Variants in MGLL observed in about 807,000 individuals in gnomAD.
The protein encoded by MGLL is lysophospholipase homolog.
MGLL carries 7 observed loss-of-function variants against 29.1 expected under a neutral mutation model. That is an observed-to-expected ratio of 0.24 (90% confidence interval 0.14 to 0.45). The LOEUF is 0.45. MGLL is among the 20% of genes least tolerant of loss of function. The probability of loss-of-function intolerance (pLI) is 0.99; values close to 1 mark genes in which losing one functional copy is unlikely to be tolerated. For synonymous variants in MGLL, 148 were observed against 168.3 expected (o/e 0.88, Z 0.93); for missense variants, 356 against 413.6 (o/e 0.86, Z 1.21).
At position 127,814,657 on chromosome 3, in the gene MGLL, T is replaced by C. The variant is rs181926705; in HGVS notation, c.155+7037A>G. 3.9e-5 allele frequency among the ~76,000 whole-genome samples: 6 copies of C among 152,348 alleles called. No individual in the cohort carries two copies. The East Asian group carries it at 1.2e-3, about 29-fold the overall frequency. ...ACTGCAAAACAAAGCCAGATTTGTA[T>C]CAGCAGAACATTCTTACAGCAACTG... On this transcript the variant is annotated intron_variant, in intron 2 of 7. Transcript: ENST00000265052.
chr3:127,692,913 C>T (rs1172711863), intron 7 of MGLL, among the ~76,000 whole-genome samples: 1 of 152,224 alleles, frequency 6.6e-6, no homozygotes, highest in African/African-American at 2.4e-5. Context: ...CTGGCCTCTG[C>T]AGGCGGCTGG....
At chr3:127,819,469 C>T (rs183448292) in intron 2 of MGLL, among the ~76,000 whole-genome samples, 146 of 152,240 alleles carry the variant, frequency 9.6e-4, no homozygotes, top group Middle Eastern at 3.4e-3. Context: ...GCTCTTAACC[C>T]AGGTTTTGCC....
intron 6 of MGLL, among the ~76,000 whole-genome samples, chr3:127,705,605 C>T (rs890683883): frequency 1.3e-5 from 2 of 151,646 alleles, no homozygotes; most frequent in Admixed American, 6.6e-5. Context: ...GGAGAAACCC[C>T]GTCTCTACTA....
In MGLL at chr3:127,753,287, C is replaced by T. The variant is rs116575831; in HGVS notation, c.262+28502G>A. On this transcript the variant is annotated intron_variant, in intron 3 of 7. Coordinates refer to ENST00000265052, the MANE Select transcript of MGLL (RefSeq NM_007283.7). ...ACAGGTGAGGGGCTGCAGGTGTCGACGATGAATTCCCTTCACCCAAAGCAG... is the reference window on the plus strand; with the variant it reads ...ACAGGTGAGGGGCTGCAGGTGTCGATGATGAATTCCCTTCACCCAAAGCAG... 8.2e-3 allele frequency among the ~76,000 whole-genome samples: 1,241 copies of T among 152,254 alleles called. 18 individuals are homozygous for T. The highest frequency in any genetic ancestry group is 0.027 in the African/African-American group (1,118 of 41,542).
intron 5 of MGLL, chr3:127,711,540 T>G (rs1239616664): frequency 6.6e-6 from 1 of 152,142 alleles, no homozygotes; most frequent in Non-Finnish European, 1.5e-5. Flanking sequence ...CATTTGGGGA[T>G]GAAAGATGCT....
At chr3:127,742,404 A>T (rs923382069) in intron 3 of MGLL, among the ~76,000 whole-genome samples, 1 of 152,086 alleles carries the variant, frequency 6.6e-6, no homozygotes, top group Non-Finnish European at 1.5e-5. Context: ...AGCCTGGCCA[A>T]CATGGTGAAA....
intron 3 of MGLL, among the ~76,000 whole-genome samples, chr3:127,776,463 G>A (rs566885378): frequency 2.6e-5 from 4 of 152,204 alleles, no homozygotes; most frequent in East Asian, 1.9e-4. Flanking sequence ...CTCAACGATC[G>A]GAGCCCTTCC....
intron 3 of MGLL, among the ~76,000 whole-genome samples, chr3:127,752,287 T>A (rs1337785966): frequency 6.6e-6 from 1 of 152,124 alleles, no homozygotes; most frequent in South Asian, 2.1e-4. Context: ...TTAGTAGAGA[T>A]GGGGTTTCAC....
chr3:127,743,433 C>G (rs910066026), intron 3 of MGLL, among the ~76,000 whole-genome samples: 4 of 151,946 alleles, frequency 2.6e-5, no homozygotes. Context: ...GCATTATATA[C>G]CAAAGTATAA....
intron 3 of MGLL, among the ~76,000 whole-genome samples, chr3:127,737,512 T>C (rs1224282500): frequency 2.0e-5 from 3 of 151,318 alleles, no homozygotes; most frequent in African/African-American, 4.9e-5. Flanking sequence ...ATTATGAAAA[T>C]TGAGGCTGCA....
chr3:127,811,807 G>A (rs967341186), intron 2 of MGLL, among the ~76,000 whole-genome samples: 33 of 152,366 alleles, frequency 2.2e-4, no homozygotes, highest in African/African-American at 7.7e-4. Flanking sequence ...AACACCAGAT[G>A]TGGTAAAGCC....
intron 3 of MGLL, among the ~76,000 whole-genome samples, chr3:127,733,976 CG>C (rs1424805604): frequency 2.0e-5 from 3 of 152,222 alleles, no homozygotes; most frequent in Admixed American, 2.0e-4. Context: ...AATCGTACAG[CG>C]TAGAGCGTTG....
At chr3:127,741,566 A>C (rs1559937366) in intron 3 of MGLL, among the ~76,000 whole-genome samples, 1 of 152,190 alleles carries the variant, frequency 6.6e-6, no homozygotes, top group Non-Finnish European at 1.5e-5. Context: ...GAGCGGGCAG[A>C]GGTTTGTGGG....
chr3:127,716,405 T>C (rs1237578624), intron 5 of MGLL, among the ~76,000 whole-genome samples: 1 of 152,146 alleles, frequency 6.6e-6, no homozygotes, highest in Non-Finnish European at 1.5e-5. Context: ...AGAGGCCCAA[T>C]AAATAGGTGT....
intron 3 of MGLL, among the ~76,000 whole-genome samples, chr3:127,726,340 A>G (rs1197342580): frequency 1.3e-5 from 2 of 152,064 alleles, no homozygotes; most frequent in African/African-American, 2.4e-5. Flanking sequence ...GAAAGAGGAA[A>G]GAAAGAAAGA....
At chr3:127,771,858 G>A (rs2076954261) in intron 3 of MGLL, among the ~76,000 whole-genome samples, 1 of 152,168 alleles carries the variant, frequency 6.6e-6, no homozygotes, top group Non-Finnish European at 1.5e-5. Context: ...GGGGCAGCAT[G>A]TATGTGGGGA....
At chr3:127,768,043 A>C (rs1273688723) in intron 3 of MGLL, among the ~76,000 whole-genome samples, 2 of 152,238 alleles carry the variant, frequency 1.3e-5, no homozygotes, top group Non-Finnish European at 2.9e-5. Flanking sequence ...TATGCCAATA[A>C]ATTTGATGTC....
chr3:127,816,487 C>T (rs543342621), intron 2 of MGLL, among the ~76,000 whole-genome samples: 6 of 152,188 alleles, frequency 3.9e-5, no homozygotes, highest in Non-Finnish European at 8.8e-5. Flanking sequence ...CGGATGGATC[C>T]AGATGGCTGG....
At position 127,722,561 on chromosome 3, in the gene MGLL, G is replaced by T; in HGVS notation, c.268C>A (p.His90Asn). 6.2e-7 allele frequency: 1 copy of T among 1,614,210 alleles called. No homozygotes were observed. Among genetic ancestry groups the T allele is most frequent in the East Asian group, 2.2e-5 (1 of 44,888 alleles). ...ATCCTCTCCCCTTCGCTCTGTCCGT[G>T]GCCAACTGGAAAGGAACGGGAGATG... is the stretch of plus-strand genomic sequence containing the variant. ...LLVFAHDHVG[H>N]GQSEGERMVV... The change falls in exon 4 of 8, where the codon CAC becomes AAC. Residue 90 changes from histidine (H) to asparagine (N), a missense_variant. Coordinates refer to ENST00000265052, the MANE Select transcript of MGLL (RefSeq NM_007283.7).
Sources: allele counts gnomAD v4.1 joint callset (sites outside exome capture counted in the v4.1 genomes callset), GRCh38; gene constraint gnomAD v4.1.1; transcripts MANE v1.5; gene names NCBI Gene and HGNC (gene_info 2026-07-23, HGNC 2026-07-21).